The following GMDS variants were observed in gnomAD, a reference collection of about 807,000 sequenced individuals.
GMDS encodes GDP-mannose 4,6-dehydratase, also known as GDP-mannose 4,6 dehydratase.
A neutral mutation model predicts 49.9 loss-of-function variants in GMDS; 20 were observed. The observed-to-expected ratio is 0.40, with a 90% CI of 0.28 to 0.58. GMDS has a LOEUF of 0.58. GMDS is among the 20% of genes least tolerant of loss of function. The pLI is 0.42. For synonymous variants in GMDS, 177 were observed against 178.6 expected, an observed-to-expected ratio of 0.99 and a Z score of 0.07; for missense variants, 362 against 481.4, an observed-to-expected ratio of 0.75 and a Z score of 2.32.
At chr6:1,646,591 C>T (rs761226806) in intron 9 of GMDS, among the ~76,000 whole-genome samples, 2 of 151,958 alleles carry the variant, frequency 1.3e-5, no homozygotes, top group Non-Finnish European at 2.9e-5. Context: ...GCCATGTTGC[C>T]CGGGCTGGTC....
intron 7 of GMDS, among the ~76,000 whole-genome samples, chr6:1,832,399 C>CA (rs34145877): frequency 1.3e-4 from 19 of 151,192 alleles, no homozygotes; most frequent in East Asian, 1.2e-3. Context: ...TATACCCCTA[C>CA]AAAAAAAACA....
chr6:1,795,957 T>C (rs1324944932), intron 7 of GMDS, among the ~76,000 whole-genome samples: 1 of 152,220 alleles, frequency 6.6e-6, no homozygotes, highest in Non-Finnish European at 1.5e-5. Context: ...AGGCGGGGAC[T>C]GGCCAGTTCT....
At chr6:1,759,404 C>T (rs1471439578) in intron 7 of GMDS, among the ~76,000 whole-genome samples, 1 of 152,188 alleles carries the variant, frequency 6.6e-6, no homozygotes, top group African/African-American at 2.4e-5. Context: ...GGGCTGGAAC[C>T]TCAACTCCCT....
intron 4 of GMDS, among the ~76,000 whole-genome samples, chr6:2,065,008 G>C (rs1458607755): frequency 6.6e-6 from 1 of 152,166 alleles, no homozygotes; most frequent in Non-Finnish European, 1.5e-5. Flanking sequence ...AACCTCTGCA[G>C]ACTTAAATGT....
At chr6:1,867,969 G>A (rs1758520673) in intron 7 of GMDS, among the ~76,000 whole-genome samples, 1 of 151,822 alleles carries the variant, frequency 6.6e-6, no homozygotes, top group Admixed American at 6.6e-5. Flanking sequence ...CCTAAATGCT[G>A]ACTTTCCTTC....
At chr6:1,943,479 A>G (rs1762914328) in intron 6 of GMDS, among the ~76,000 whole-genome samples, 1 of 152,220 alleles carries the variant, frequency 6.6e-6, no homozygotes. Flanking sequence ...AACACATGAT[A>G]GGTGTTCAAT....
At chr6:2,239,347 A>C (rs1451015364) in intron 1 of GMDS, among the ~76,000 whole-genome samples, 2 of 151,306 alleles carry the variant, frequency 1.3e-5, no homozygotes, top group African/African-American at 4.9e-5. Flanking sequence ...AAAAAAAAAA[A>C]TCCAATTGGC....
At position 2,208,028 on chromosome 6, in the gene GMDS, T is replaced by C. The variant is rs549783064; in HGVS notation, c.102+37293A>G. Among the ~76,000 whole-genome samples the C allele has an allele frequency of 5.3e-5, 8 of 152,036 alleles. No individual in the cohort carries two copies. The South Asian group carries it at 1.5e-3, about 28-fold the overall frequency. On this transcript the variant is annotated intron_variant, in intron 1 of 10. Coordinates refer to ENST00000380815, the MANE Select transcript of GMDS (RefSeq NM_001500.4). ...GCAGACAGGTATTCCCTTCCCAGAT[T>C]AGAAAAGTTTTACTTATAAGGTCAT... is the stretch of plus-strand genomic sequence containing the variant.
At position 2,115,893 on chromosome 6, in the gene GMDS, A is replaced by G; in HGVS notation, c.236-13T>C. On this transcript the variant is annotated splice_polypyrimidine_tract_variant and intron_variant, in intron 3 of 10. Transcript: ENST00000380815. The stretch of plus-strand genomic sequence containing the variant: ...TGCAACTTCATGTCTTCAGGATACA[A>G]AAACATCCCATTAGATAGAGAAAAG... 9 of 1,372,532 alleles carry G rather than the reference A, an allele frequency of 6.6e-6. No homozygotes were observed. Among genetic ancestry groups the G allele is most frequent in the Non-Finnish European group, 9.4e-6 (9 of 960,616 alleles). 85.0% of individuals were successfully genotyped at this position (1,372,532 alleles called of 1,614,324 possible).
chr6:2,086,919 C>T (rs1773050070), intron 4 of GMDS, among the ~76,000 whole-genome samples: 1 of 152,180 alleles, frequency 6.6e-6, no homozygotes, highest in African/African-American at 2.4e-5. Context: ...CTGTGTCCTC[C>T]ATAGACCCAA....
rs201627347 is a variant in GMDS, at chr6:2,195,345, C to CAA, written c.102+49974_102+49975dup. On this transcript the variant is annotated intron_variant, in intron 1 of 10. Coordinates refer to ENST00000380815, the MANE Select transcript of GMDS (RefSeq NM_001500.4). Reference sequence around the variant, plus strand: ...CCATTATTCCTTAAGGCTATCAGGCCAAAAAAAAAAAAATCTATTCCAAGA... The same window carrying CAA: ...CCATTATTCCTTAAGGCTATCAGGCCAAAAAAAAAAAAAAATCTATTCCAAGA... Among the ~76,000 whole-genome samples the CAA allele has an allele frequency of 1.1e-4, 14 of 131,056 alleles. No individual in the cohort carries two copies. In the South Asian group the frequency reaches 1.9e-3, roughly 18 times the overall value. 86.0% of individuals were successfully genotyped at this position (131,056 alleles called of 152,430 possible). A position where few individuals can be genotyped will look rare whatever the true frequency, so the allele number is the denominator to read the frequency against.
At chr6:1,959,816 T>C (rs1374613833) in intron 6 of GMDS, 51 bp downstream of exon 6, 2 of 1,057,452 alleles carry the variant, frequency 1.9e-6, no homozygotes, top group African/African-American at 1.6e-5. Flanking sequence ...ATGCAACTTG[T>C]TGTTGTTGTT....
intron 1 of GMDS, among the ~76,000 whole-genome samples, chr6:2,162,104 T>A (rs1037748708): frequency 6.6e-6 from 1 of 152,224 alleles, no homozygotes; most frequent in Non-Finnish European, 1.5e-5. Flanking sequence ...ACTGCATTCA[T>A]AGACAAAAAT....
chr6:2,076,399 G>GAA (rs369794015), intron 4 of GMDS, among the ~76,000 whole-genome samples: 1 of 151,794 alleles, frequency 6.6e-6, no homozygotes, highest in Non-Finnish European at 1.5e-5. Flanking sequence ...CACAGAATTG[G>GAA]AAAAAAACTA....
intron 4 of GMDS, among the ~76,000 whole-genome samples, chr6:2,114,469 C>T (rs1399013689): frequency 6.6e-6 from 1 of 152,158 alleles, no homozygotes; most frequent in Non-Finnish European, 1.5e-5. Context: ...CTCAAGCACA[C>T]AGTATGCATA....
intron 7 of GMDS, among the ~76,000 whole-genome samples, chr6:1,809,907 T>G (rs968743925): frequency 6.6e-6 from 1 of 152,158 alleles, no homozygotes; most frequent in African/African-American, 2.4e-5. Flanking sequence ...ATTTTATATT[T>G]ATAGTCTTAT....
chr6:2,103,669 A>G (rs535161016), intron 4 of GMDS, among the ~76,000 whole-genome samples: 2 of 152,288 alleles, frequency 1.3e-5, no homozygotes, highest in East Asian at 3.9e-4. Flanking sequence ...ATATGATTCT[A>G]CTTCATTAGA....
At chr6:1,795,626 A>T (rs1273872218) in intron 7 of GMDS, among the ~76,000 whole-genome samples, 1 of 152,242 alleles carries the variant, frequency 6.6e-6, no homozygotes, top group Non-Finnish European at 1.5e-5. Context: ...ATCAGGAGGA[A>T]ATATGCTTTG....
intron 9 of GMDS, among the ~76,000 whole-genome samples, chr6:1,682,240 T>C (rs1001965111): frequency 6.6e-6 from 1 of 152,206 alleles, no homozygotes; most frequent in African/African-American, 2.4e-5. Context: ...TTATGACAAA[T>C]ACAAAGGAAG....
Sources: allele counts gnomAD v4.1 joint callset (sites outside exome capture counted in the v4.1 genomes callset), GRCh38; gene constraint gnomAD v4.1.1; transcripts MANE v1.5; gene names NCBI Gene and HGNC (gene_info 2026-07-23, HGNC 2026-07-21).